The following PTPRT variants were observed in gnomAD, a reference collection of about 807,000 sequenced individuals.
The protein encoded by PTPRT is protein tyrosine phosphatase receptor type T.
In PTPRT, 56 loss-of-function variants were observed where a neutral mutation model predicts 176.8. The ratio of observed to expected loss-of-function variants is 0.32; its 90% CI spans 0.26 to 0.40. The LOEUF (loss-of-function observed/expected upper bound fraction) is 0.40, where lower values mean the gene tolerates loss of function less well. Ranked by LOEUF, PTPRT falls within the 10% of genes least tolerant of loss-of-function variation. The pLI, the probability that PTPRT is intolerant of heterozygous loss-of-function variation, is 1.00. For missense variants in PTPRT, 1,540 were observed against 1,908.2 expected (o/e 0.81, Z 3.60); for synonymous variants, 783 against 739.0 (o/e 1.06, Z -0.96).
intron 15 of PTPRT, among the ~76,000 whole-genome samples, chr20:42,199,751 T>C (rs984520773): frequency 3.9e-5 from 6 of 152,144 alleles, no homozygotes; most frequent in Non-Finnish European, 7.3e-5. Flanking sequence ...TTTCTGTTTC[T>C]GTGGCTCTGA....
intron 7 of PTPRT, among the ~76,000 whole-genome samples, chr20:42,650,575 C>T (rs2075011785): frequency 6.6e-6 from 1 of 152,144 alleles, no homozygotes; most frequent in East Asian, 1.9e-4. Flanking sequence ...TTGACAGTTA[C>T]AGGCAGACAC....
chr20:42,350,214 GTTTTTTTTTTTT>G (rs764181357), intron 11 of PTPRT, among the ~76,000 whole-genome samples: 18 of 58,308 alleles, frequency 3.1e-4, no homozygotes, highest in South Asian at 1.5e-3. Flanking sequence ...GATGTTTCTT[GTTTTTTTTTTTT>G]TTTTTTTTTT....
At chr20:42,614,856 T>A (rs2074039164) in intron 7 of PTPRT, among the ~76,000 whole-genome samples, 1 of 151,322 alleles carries the variant, frequency 6.6e-6, no homozygotes, top group Admixed American at 6.6e-5. Flanking sequence ...ACATCTTACG[T>A]GGATAGGTGG....
In PTPRT at chr20:42,108,722, T is replaced by TAAGA. The variant is rs529333764; in HGVS notation, c.3254+1607_3254+1610dup. Among the ~76,000 whole-genome samples, 45 of 152,160 alleles carry TAAGA rather than the reference T, an allele frequency of 3.0e-4. No individual in the cohort carries two copies. The South Asian group carries it at 8.7e-3, about 30-fold the overall frequency. On this transcript the variant is annotated intron_variant, in intron 23 of 30. Transcript: ENST00000373187. ...CTGGGGAGGGGGAGAAAGAAAACATTAAGAGGAGGCAGAGAATAATGATAT... is the reference window on the plus strand; with the variant it reads ...CTGGGGAGGGGGAGAAAGAAAACATTAAGAAAGAGGAGGCAGAGAATAATGATAT...
chr20:42,665,298 A>G (rs1569067175), intron 7 of PTPRT, among the ~76,000 whole-genome samples: 1 of 152,248 alleles, frequency 6.6e-6, no homozygotes, highest in Non-Finnish European at 1.5e-5. Flanking sequence ...ATGAACAGAC[A>G]CTTCTCAAAA....
intron 9 of PTPRT, among the ~76,000 whole-genome samples, chr20:42,419,150 G>A (rs151337536): frequency 3.3e-5 from 5 of 152,212 alleles, no homozygotes; most frequent in Admixed American, 2.0e-4. Flanking sequence ...GACGACTTTT[G>A]TGTGTCCCTC....
At chr20:42,864,249 C>T (rs1021886824) in intron 2 of PTPRT, among the ~76,000 whole-genome samples, 8 of 152,192 alleles carry the variant, frequency 5.3e-5, no homozygotes, top group African/African-American at 1.9e-4. Context: ...ATATAAGGGG[C>T]CTCAGGTCTT....
Position 43,094,075 on chromosome 20 carries a change from T to TTTTC in PTPRT, c.88+95567_88+95570dup, listed in dbSNP as rs1168895372. Among the ~76,000 whole-genome samples, 1,277 of 147,298 alleles carry TTTTC rather than the reference T, an allele frequency of 8.7e-3. 29 individuals carry two copies. Among genetic ancestry groups the TTTTC allele is most frequent in the African/African-American group, 0.028 (1,081 of 38,672 alleles). On this transcript the variant is annotated intron_variant, in intron 1 of 30. Transcript: ENST00000373187. ...TCACAATCCTATTTCTTCTCTGTTT[T>TTTTC]TTTCTTTCTTTCTTTCTTTTTTTTT...
chr20:42,739,182 TGA>T (rs1459443700), intron 6 of PTPRT, among the ~76,000 whole-genome samples: 12 of 152,182 alleles, frequency 7.9e-5, no homozygotes, highest in Admixed American at 7.9e-4. Flanking sequence ...CCCCTGCACC[TGA>T]GAGTCTGCAG....
chr20:42,119,994 T>C (rs1428243653), intron 19 of PTPRT, 23 bp from the exon 20 acceptor site: 1 of 1,601,082 alleles, frequency 6.2e-7, no homozygotes, highest in Non-Finnish European at 8.5e-7. Context: ...AGAAAAGCAC[T>C]GTGAAGAGTC....
intron 1 of PTPRT, among the ~76,000 whole-genome samples, chr20:43,130,503 C>T (rs2013611690): frequency 6.6e-6 from 1 of 152,074 alleles, no homozygotes; most frequent in Admixed American, 6.5e-5. Context: ...CACTCACGAA[C>T]AATGCAATTG....
At position 42,398,147 on chromosome 20, in the gene PTPRT, A is replaced by G. The variant is rs1394325558; in HGVS notation, c.1561-45862T>C. On this transcript the variant is annotated intron_variant, in intron 9 of 30. Transcript: ENST00000373187. Reference sequence around the variant, plus strand: ...TCAAGGTATGTGTGTCTGTTCCACAAAAAAAATTGTAAAAAAAAATACATA... The same window carrying G: ...TCAAGGTATGTGTGTCTGTTCCACAGAAAAAATTGTAAAAAAAAATACATA... Among the ~76,000 whole-genome samples the G allele has an allele frequency of 5.3e-5, 8 of 152,250 alleles. No individual in the cohort carries two copies. The East Asian group carries it at 1.2e-3, about 22-fold the overall frequency.
rs530009124 is a variant in PTPRT at position 43,068,231 on chromosome 20, G to A, written c.88+121415C>T. ...TTTTAAAACGAATTAGGGGCCAGGCGCAGTGGCTCATGCCTGTAATCCCAG... is the reference window on the plus strand; with the variant it reads ...TTTTAAAACGAATTAGGGGCCAGGCACAGTGGCTCATGCCTGTAATCCCAG... On this transcript the variant is annotated intron_variant, in intron 1 of 30. Transcript: ENST00000373187. Among the ~76,000 whole-genome samples the A allele has an allele frequency of 2.0e-4, 30 of 148,900 alleles. No individual in the cohort carries two copies. The South Asian group carries it at 4.8e-3, about 24-fold the overall frequency.
At chr20:42,590,470 C>A (rs2073549554) in intron 7 of PTPRT, among the ~76,000 whole-genome samples, 1 of 152,152 alleles carries the variant, frequency 6.6e-6, no homozygotes, top group Non-Finnish European at 1.5e-5. Context: ...ACAGTTGAAG[C>A]AGACTTTGTC....
chr20:43,107,508 A>G (rs931844757), intron 1 of PTPRT, among the ~76,000 whole-genome samples: 3 of 152,228 alleles, frequency 2.0e-5, no homozygotes, highest in Non-Finnish European at 4.4e-5. Context: ...GAAAATTTAG[A>G]CTAAGTGGTG....
chr20:42,216,533 C>A (rs749485859), intron 15 of PTPRT, among the ~76,000 whole-genome samples: 1 of 152,188 alleles, frequency 6.6e-6, no homozygotes, highest in African/African-American at 2.4e-5. Context: ...ATTTGCCTAT[C>A]TTCTCTCATC....
chr20:42,086,652 G>A (rs1009958470), intron 27 of PTPRT, among the ~76,000 whole-genome samples: 1 of 145,592 alleles, frequency 6.9e-6, no homozygotes, highest in Non-Finnish European at 1.5e-5. Flanking sequence ...TAGGGGTTTC[G>A]GGAGGCGGAG....
intron 7 of PTPRT, among the ~76,000 whole-genome samples, chr20:42,520,032 C>G (rs1268035697): frequency 1.3e-5 from 2 of 151,972 alleles, no homozygotes; most frequent in African/African-American, 2.4e-5. Flanking sequence ...GCCTTAAGCT[C>G]TGTTTTGTCT....
chr20:42,082,746 A>C (rs3787279), intron 29 of PTPRT, among the ~76,000 whole-genome samples: 35,341 of 152,140 alleles, frequency 0.23, 4,514 homozygotes, highest in Non-Finnish European at 0.29. Flanking sequence ...TCTTCATGGA[A>C]ACACCCTTCA....
Sources: gnomAD v4.1 joint callset for allele counts (sites outside exome capture counted in the v4.1 genomes callset) on GRCh38, gnomAD v4.1.1 for gene constraint, MANE v1.5 for transcripts, NCBI Gene and HGNC (gene_info 2026-07-23, HGNC 2026-07-21) for gene names.